Variants in CTNNA3 observed in about 807,000 individuals in gnomAD.
CTNNA3 encodes catenin alpha 3.
CTNNA3 carries 76 observed loss-of-function variants against 95.7 expected under a neutral mutation model. The ratio of observed to expected loss-of-function variants is 0.79; its 90% CI spans 0.66 to 0.96. The LOEUF is 0.96. Ranked by LOEUF, CTNNA3 falls within the 40% of genes least tolerant of loss-of-function variation. The probability of loss-of-function intolerance (pLI) is 0.00; values close to 1 mark genes in which losing one functional copy is unlikely to be tolerated. For missense variants in CTNNA3, 1,191 were observed against 1,089.8 expected, an observed-to-expected ratio of 1.09 and a Z score of -1.31; for synonymous variants, 431 against 374.4, an observed-to-expected ratio of 1.15 and a Z score of -1.74.
At chr10:66,271,149 T>C (rs1360398251) in intron 13 of CTNNA3, among the ~76,000 whole-genome samples, 1 of 152,140 alleles carries the variant, frequency 6.6e-6, no homozygotes, top group Non-Finnish European at 1.5e-5. Context: ...TCTATTCACT[T>C]AGAGAACTTT....
chr10:66,670,242 A>G (rs188589146), intron 9 of CTNNA3, among the ~76,000 whole-genome samples: 128 of 152,270 alleles, frequency 8.4e-4, no homozygotes, highest in Middle Eastern at 3.4e-3. Context: ...TCTCAGTTCT[A>G]TAGGTCAGAA....
intron 9 of CTNNA3, among the ~76,000 whole-genome samples, chr10:66,725,087 T>C (rs1904424): frequency 0.93 from 141,731 of 152,206 alleles, 66,132 homozygotes; most frequent in East Asian, 1. Context: ...AATGTATGTG[T>C]TATGCAAAAT....
At chr10:65,987,659 T>C (rs2078455857) in intron 16 of CTNNA3, among the ~76,000 whole-genome samples, 1 of 152,236 alleles carries the variant, frequency 6.6e-6, no homozygotes, top group Admixed American at 6.5e-5. Context: ...AACTACCATA[T>C]GATCCAGCAA....
intron 16 of CTNNA3, among the ~76,000 whole-genome samples, chr10:65,976,515 C>G (rs1422066139): frequency 2.0e-5 from 3 of 152,134 alleles, no homozygotes. Flanking sequence ...TTCAAAGTTG[C>G]TTGACCTAAA....
At chr10:67,168,971 C>G (rs1251916540) in intron 7 of CTNNA3, among the ~76,000 whole-genome samples, 1 of 152,092 alleles carries the variant, frequency 6.6e-6, no homozygotes, top group East Asian at 1.9e-4. Context: ...ACAAAAATCA[C>G]TAGTATTCCT....
chr10:66,824,999 C>T (rs1842447023), intron 7 of CTNNA3, among the ~76,000 whole-genome samples: 2 of 151,496 alleles, frequency 1.3e-5, no homozygotes, highest in African/African-American at 4.9e-5. Flanking sequence ...TATACAAGAA[C>T]TCTTTGTAAG....
intron 13 of CTNNA3, among the ~76,000 whole-genome samples, chr10:66,184,304 C>CA (rs909721224): frequency 5.3e-5 from 8 of 151,640 alleles, no homozygotes; most frequent in Admixed American, 4.6e-4. Flanking sequence ...GTCTCAAAAA[C>CA]AAAAAAAGAG....
chr10:67,656,419 A>C (rs1336231852), intron 1 of CTNNA3, among the ~76,000 whole-genome samples: 3 of 152,200 alleles, frequency 2.0e-5, no homozygotes, highest in East Asian at 3.9e-4. Flanking sequence ...ACGTATCCCT[A>C]GACTATAGGG....
rs948325526 is a variant in CTNNA3 at position 67,442,999 on chromosome 10, T to C, written c.579+78843A>G. The stretch of plus-strand genomic sequence containing the variant: ...TGTGATGTTCCCCTTCCTGTGTCCA[T>C]GTGTTCTCATTGTTCAATTCCCATC... On this transcript the variant is annotated intron_variant, in intron 5 of 17. Coordinates refer to ENST00000433211, the MANE Select transcript of CTNNA3 (RefSeq NM_013266.4). Among the ~76,000 whole-genome samples the C allele has an allele frequency of 1.0e-4, 14 of 135,236 alleles. No homozygotes were observed. In the Admixed American group the frequency reaches 1.2e-3, roughly 11 times the overall value. The allele number at this position is 135,236 out of a possible 152,430, so 88.7% of individuals were successfully genotyped here. A position where few individuals can be genotyped will look rare whatever the true frequency, so the allele number is the denominator to read the frequency against.
intron 12 of CTNNA3, among the ~76,000 whole-genome samples, chr10:66,357,777 G>A (rs2092622582): frequency 6.6e-6 from 1 of 152,188 alleles, no homozygotes; most frequent in African/African-American, 2.4e-5. Context: ...GTTTTTGTGT[G>A]GGTGTATGTT....
At chr10:67,335,199 C>G (rs1010759698) in intron 5 of CTNNA3, among the ~76,000 whole-genome samples, 7 of 152,068 alleles carry the variant, frequency 4.6e-5, no homozygotes, top group Admixed American at 2.0e-4. Flanking sequence ...ATTATTGTAT[C>G]TACAATGTCC....
At chr10:67,205,800 G>A (rs1404178417) in intron 6 of CTNNA3, among the ~76,000 whole-genome samples, 2 of 152,080 alleles carry the variant, frequency 1.3e-5, no homozygotes, top group Non-Finnish European at 2.9e-5. Context: ...AATTTTCCTA[G>A]GGAAAAAAGG....
intron 11 of CTNNA3, among the ~76,000 whole-genome samples, chr10:66,520,111 G>A (rs1209176214): frequency 6.6e-6 from 1 of 151,860 alleles, no homozygotes; most frequent in Admixed American, 6.6e-5. Context: ...GATTACAAGA[G>A]GTCAGGCTCA....
intron 17 of CTNNA3, among the ~76,000 whole-genome samples, chr10:65,958,673 G>T (rs538162528): frequency 8.7e-4 from 132 of 152,278 alleles, no homozygotes; most frequent in African/African-American, 3.2e-3. Context: ...GACCCAGTTT[G>T]CCTGGATATC....
chr10:67,271,428 C>G (rs1306205724), intron 5 of CTNNA3, among the ~76,000 whole-genome samples: 1 of 152,104 alleles, frequency 6.6e-6, no homozygotes, highest in Non-Finnish European at 1.5e-5. Flanking sequence ...CCTGCCTCCC[C>G]TTTGTGTTCT....
At chr10:66,845,701 C>A (rs1843221632) in intron 7 of CTNNA3, among the ~76,000 whole-genome samples, 2 of 3,174 alleles carry the variant, frequency 6.3e-4, no homozygotes, top group African/African-American at 1.1e-3. Flanking sequence ...AAAACTCTGT[C>A]TCAAAAAAAA....
At chr10:66,254,095 G>C (rs2090664739) in intron 13 of CTNNA3, among the ~76,000 whole-genome samples, 1 of 152,076 alleles carries the variant, frequency 6.6e-6, no homozygotes, top group African/African-American at 2.4e-5. Flanking sequence ...TATTCCCTGA[G>C]ACTTTTCTCA....
chr10:67,119,878 A>C (rs911611319), intron 7 of CTNNA3, among the ~76,000 whole-genome samples: 3 of 152,074 alleles, frequency 2.0e-5, no homozygotes, highest in Admixed American at 6.6e-5. Flanking sequence ...AAATACTGCA[A>C]GTATTTCCTG....
intron 5 of CTNNA3, among the ~76,000 whole-genome samples, chr10:67,294,394 C>A (rs1202322405): frequency 6.6e-6 from 1 of 152,134 alleles, no homozygotes; most frequent in African/African-American, 2.4e-5. Flanking sequence ...ATGTATTCAA[C>A]TACACCAAGT....
Sources: allele counts gnomAD v4.1 joint callset (sites outside exome capture counted in the v4.1 genomes callset), GRCh38; gene constraint gnomAD v4.1.1; transcripts MANE v1.5; gene names NCBI Gene and HGNC (gene_info 2026-07-23, HGNC 2026-07-21).